The following SPTBN1 variants were observed in gnomAD, a reference collection of about 807,000 sequenced individuals.
SPTBN1 encodes spectrin beta chain, non-erythrocytic 1.
Under a neutral mutation model 266.4 loss-of-function variants are expected in SPTBN1, and 32 were observed. The observed-to-expected ratio is 0.12, with a 90% CI of 0.09 to 0.16. SPTBN1 has a LOEUF of 0.16. SPTBN1 is among the 10% of genes least tolerant of loss of function. SPTBN1 has a pLI of 1.00. For missense variants in SPTBN1, 2,296 were observed against 3,067.1 expected (o/e 0.75, Z 5.94); for synonymous variants, 1,336 against 1,162.2 (o/e 1.15, Z -3.04).
chr2:54,629,885 A>G lies in SPTBN1; in HGVS notation c.2670-7A>G, dbSNP rs1165831527. The G allele has an allele frequency of 1.2e-6, 2 of 1,613,906 alleles. No homozygotes were observed. The highest frequency in any genetic ancestry group is 2.7e-5 in the African/African-American group (2 of 74,928). On this transcript the variant is annotated splice_region_variant and splice_polypyrimidine_tract_variant and intron_variant, in intron 14 of 35. Coordinates refer to ENST00000356805, the MANE Select transcript of SPTBN1 (RefSeq NM_003128.3). ...GAGGTGACCACCCTGTCAAATTGCC[A>G]TTTCAGATTTGAGAGCCTAGAACCA...
At chr2:54,619,426 G>T (rs1372119599) in intron 7 of SPTBN1, among the ~76,000 whole-genome samples, 2 of 151,768 alleles carry the variant, frequency 1.3e-5, no homozygotes, top group Non-Finnish European at 2.9e-5. Context: ...TTTCCCTATC[G>T]CAGTGACAAC....
At position 54,629,934 on chromosome 2, in the gene SPTBN1, G is replaced by A. The variant is rs373724745; in HGVS notation, c.2712G>A (p.Arg904=). The change falls in exon 15 of 36, where the codon CGG becomes CGA. Residue 904 remains arginine (R), a synonymous_variant. Transcript: ENST00000356805. ...LEPEMNNQAS[R]VAVVNQIARQ... ...CAGAAATGAACAACCAGGCTTCCCG[G>A]GTTGCAGTGGTGAACCAGATTGCAC... 1 of 1,614,126 alleles carries A rather than the reference G, an allele frequency of 6.2e-7. No homozygotes were observed. The highest frequency in any genetic ancestry group is 8.5e-7 in the Non-Finnish European group (1 of 1,180,034).
rs1279259203 is a variant in SPTBN1, at chr2:54,495,679, T to TTTTTTTTTTTTTTTTTTTAATTATACTC, written c.-47-30692_-47-30691insTTTTTTTTTTTTTTTTTAATTATACTCT. Among the ~76,000 whole-genome samples, 11 of 142,988 alleles carry TTTTTTTTTTTTTTTTTTTAATTATACTC rather than the reference T, an allele frequency of 7.7e-5. No individual in the cohort carries two copies. In the Admixed American group the frequency reaches 7.8e-4, roughly 10 times the overall value. 93.8% of individuals were successfully genotyped at this position (142,988 alleles called of 152,430 possible). On this transcript the variant is annotated intron_variant, in intron 1 of 35. Coordinates refer to ENST00000356805, the MANE Select transcript of SPTBN1 (RefSeq NM_003128.3). ...TTAGAATCATAATTTGCATGTGTTT[T>TTTTTTTTTTTTTTTTTTTAATTATACTC]TACCTTTATTTCCTCTGAGCATTAT...
rs780512831 is a variant in SPTBN1 at position 54,617,667 on chromosome 2, A to G, written c.626A>G (p.Asn209Ser). Residue 209 changes from asparagine (N) to serine (S), a missense_variant, in exon 6 of 36, where the codon AAT becomes AGT. Physicochemically the swap from Asn to Ser is conservative, Grantham distance 46. Coordinates refer to ENST00000356805, the MANE Select transcript of SPTBN1 (RefSeq NM_003128.3). ...AGCTGGAGGGACGGCATGGCCTTCA[A>G]TGCACTGATACACAAACACCGGTAA... ...TTSWRDGMAF[N>S]ALIHKHRPDL... 25 of 1,614,164 alleles carry G rather than the reference A, an allele frequency of 1.5e-5. No homozygotes were observed. Among genetic ancestry groups the G allele is most frequent in the Non-Finnish European group, 2.0e-5 (24 of 1,180,000 alleles).
At position 54,621,384 on chromosome 2, in the gene SPTBN1, C is replaced by A; in HGVS notation, c.764-16C>A. On this transcript the variant is annotated splice_polypyrimidine_tract_variant and intron_variant, in intron 7 of 35. Coordinates refer to ENST00000356805, the MANE Select transcript of SPTBN1 (RefSeq NM_003128.3). ...TAGCATGCAACACACTGAACAGAGTCTTCTCTGGGTTACAGACATCAGCGT... is the reference window on the plus strand; with the variant it reads ...TAGCATGCAACACACTGAACAGAGTATTCTCTGGGTTACAGACATCAGCGT... 6.2e-7 allele frequency: 1 copy of A among 1,604,220 alleles called. No homozygotes were observed. Among genetic ancestry groups the A allele is most frequent in the Non-Finnish European group, 8.5e-7 (1 of 1,171,662 alleles).
intron 1 of SPTBN1, among the ~76,000 whole-genome samples, chr2:54,493,287 T>C (rs1223468059): frequency 6.6e-6 from 1 of 152,106 alleles, no homozygotes; most frequent in African/African-American, 2.4e-5. Context: ...ATTACAGGCA[T>C]GAACCACCGC....
At chr2:54,570,491 C>T (rs545747170) in intron 2 of SPTBN1, among the ~76,000 whole-genome samples, 16 of 152,282 alleles carry the variant, frequency 1.1e-4, no homozygotes, top group East Asian at 1.9e-4. Context: ...CTCTGTTCTA[C>T]GCTGGTGGCA....
rs1319275861 is a variant in SPTBN1, at chr2:54,558,339, C to T, written c.148+31773C>T. 3 of 995,828 alleles carry T rather than the reference C, an allele frequency of 3.0e-6. No homozygotes were observed. The highest frequency in any genetic ancestry group is 3.5e-5 in the African/African-American group (2 of 57,432). 61.7% of individuals were successfully genotyped at this position (995,828 alleles called of 1,614,324 possible). A position where few individuals can be genotyped will look rare whatever the true frequency, so the allele number is the denominator to read the frequency against. ...GGTGACATCACCGCCCAGCACACGG[C>T]GAGTGGCTCCTGATAAAATTACAAA... On this transcript the variant is annotated intron_variant, in intron 2 of 35. Coordinates refer to ENST00000356805, the MANE Select transcript of SPTBN1 (RefSeq NM_003128.3). The surrounding 1 kb of genome is among the most constrained non-coding windows in gnomAD (Gnocchi z 4.6).
At chr2:54,567,790 A>C (rs9677089) in intron 2 of SPTBN1, among the ~76,000 whole-genome samples, 53,014 of 151,592 alleles carry the variant, frequency 0.35, 11,731 homozygotes, top group African/African-American at 0.64. Context: ...TTCTCTCTCT[A>C]TATATATAGA....
intron 1 of SPTBN1, among the ~76,000 whole-genome samples, chr2:54,475,433 G>T (rs1443581151): frequency 6.6e-6 from 1 of 152,046 alleles, no homozygotes; most frequent in Non-Finnish European, 1.5e-5. Flanking sequence ...TGACAGATAT[G>T]CAGTCCCTTC....
intron 34 of SPTBN1, among the ~76,000 whole-genome samples, chr2:54,666,885 G>A (rs1681405950): frequency 2.6e-5 from 4 of 152,236 alleles, no homozygotes; most frequent in Admixed American, 2.6e-4. Flanking sequence ...GCTGCGCAGT[G>A]CAGGCAGGCT....
intron 2 of SPTBN1, among the ~76,000 whole-genome samples, chr2:54,571,230 A>T (rs1375522906): frequency 1.3e-5 from 2 of 152,056 alleles, no homozygotes; most frequent in Non-Finnish European, 2.9e-5. Context: ...CTCATTTCAG[A>T]AACAAGGGTG....
intron 7 of SPTBN1, among the ~76,000 whole-genome samples, chr2:54,618,690 G>C (rs1056343511): frequency 1.3e-5 from 2 of 152,208 alleles, no homozygotes; most frequent in Admixed American, 1.3e-4. Flanking sequence ...AAGCAGGTTG[G>C]ATGGGGATGG....
At chr2:54,473,809 A>G (rs1389629043) in intron 1 of SPTBN1, among the ~76,000 whole-genome samples, 1 of 152,258 alleles carries the variant, frequency 6.6e-6, no homozygotes, top group East Asian at 1.9e-4. Context: ...AAAAACATTC[A>G]TTTTAAATTT....
At position 54,643,141 on chromosome 2, in the gene SPTBN1, C is replaced by T. The variant is rs1679688386; in HGVS notation, c.4005+12C>T. On this transcript the variant is annotated intron_variant, in intron 19 of 35. Transcript: ENST00000356805. ...ACAAAATCGAGAAGGTGAGTTAAAA[C>T]ATTTGATGTGGCCATGGTGAGAAAA... 5 of 1,613,952 alleles carry T rather than the reference C, an allele frequency of 3.1e-6. No homozygotes were observed. In the African/African-American group the frequency reaches 4.0e-5, roughly 13 times the overall value.
chr2:54,456,792 C>G (rs1222009241), intron 1 of SPTBN1, among the ~76,000 whole-genome samples: 1 of 150,982 alleles, frequency 6.6e-6, no homozygotes, highest in East Asian at 2.0e-4. Context: ...GGCAGCAGAC[C>G]CGCCGTGCGC....
At chr2:54,656,062 C>A in intron 29 of SPTBN1, 64 bp downstream of exon 29, 1 of 1,403,684 alleles carries the variant, frequency 7.1e-7, no homozygotes, top group Non-Finnish European at 9.9e-7. Context: ...CGTTTATTTT[C>A]TTGCTTTAAT....
chr2:54,461,156 C>A (rs1351737748), intron 1 of SPTBN1, among the ~76,000 whole-genome samples: 2 of 152,092 alleles, frequency 1.3e-5, no homozygotes, highest in African/African-American at 4.8e-5. Context: ...ATGGTTTATC[C>A]TTTTTAAAAA....
chr2:54,632,713 G>T lies in SPTBN1; in HGVS notation c.3712G>T (p.Asp1238Tyr), dbSNP rs753745173. 3.7e-6 allele frequency: 6 copies of T among 1,614,076 alleles called. No individual in the cohort carries two copies. In the East Asian group the frequency reaches 1.3e-4, roughly 36 times the overall value. ...VVETGRRLVS[D>Y]GNINSDRIQE... is the part of the protein sequence containing the mutation. ...GGAGACTGGCCGGAGGCTGGTGAGCGATGGGAACATCAACTCAGATCGCAT... is the reference window on the plus strand; with the variant it reads ...GGAGACTGGCCGGAGGCTGGTGAGCTATGGGAACATCAACTCAGATCGCAT... Residue 1238 changes from aspartate to tyrosine, a missense_variant, in exon 17 of 36, where the codon GAT becomes TAT. Around this residue, in one of 12 missense-constraint regions of SPTBN1, gnomAD observed 386 missense variants for 486.1 expected, o/e 0.79. Transcript: ENST00000356805.
Sources: allele counts gnomAD v4.1 joint callset (sites outside exome capture counted in the v4.1 genomes callset), GRCh38; gene constraint gnomAD v4.1.1; regional missense constraint gnomAD v4.1.1; non-coding constraint Gnocchi (gnomAD v3.1); transcripts MANE v1.5; gene names NCBI Gene and HGNC (gene_info 2026-07-23, HGNC 2026-07-21).